ACTR3C: variants seen among roughly 807,000 people sequenced by gnomAD.
The protein encoded by ACTR3C is actin related protein 3C.
ACTR3C carries 18 observed loss-of-function variants against 26.3 expected under a neutral mutation model. The observed-to-expected ratio is 0.68, with a 90% CI of 0.47 to 1.01. ACTR3C has a LOEUF of 1.01. ACTR3C is among the 50% of genes least tolerant of loss of function. ACTR3C has a pLI of 0.00. For synonymous variants in ACTR3C, 55 were observed against 94.5 expected, an observed-to-expected ratio of 0.58 and a Z score of 2.42; for missense variants, 184 against 250.7, an observed-to-expected ratio of 0.73 and a Z score of 1.80.
chr7:150,180,662 G>A, the ACTR3C span, among the ~76,000 whole-genome samples: 145 of 148,804 alleles, frequency 9.7e-4, 1 homozygote, highest in Middle Eastern at 6.9e-3. Flanking sequence ...ACAGGCGCGC[G>A]CCACCACGCC....
At chr7:150,124,782 G>T in the ACTR3C span, among the ~76,000 whole-genome samples, 1 of 151,746 alleles carries the variant, frequency 6.6e-6, no homozygotes, top group East Asian at 1.9e-4. Flanking sequence ...AACAGTAACA[G>T]TAGCAACAAG....
At chr7:150,229,196 A>C in the ACTR3C span, among the ~76,000 whole-genome samples, 2 of 151,626 alleles carry the variant, frequency 1.3e-5, no homozygotes, top group Admixed American at 1.3e-4. Flanking sequence ...GTTTTATTGC[A>C]CAAGCTAGAA....
the ACTR3C span, among the ~76,000 whole-genome samples, chr7:150,227,163 T>C: frequency 3.3e-5 from 5 of 151,644 alleles, no homozygotes; most frequent in Non-Finnish European, 7.4e-5. Flanking sequence ...TCTATTCTTT[T>C]AGTGATTTTG....
the ACTR3C span, among the ~76,000 whole-genome samples, chr7:150,193,421 T>G: frequency 6.7e-6 from 1 of 148,872 alleles, no homozygotes; most frequent in East Asian, 1.9e-4. Context: ...TTTTTTTTTT[T>G]GTCTTTGTTG....
Position 150,289,636 on chromosome 7 carries a change from G to A in ACTR3C, c.154-43C>T, listed in dbSNP as rs148333985. The A allele has an allele frequency of 3.3e-3, 5,245 of 1,568,082 alleles. 158 individuals carry two copies. In the African/African-American group the frequency reaches 0.062, roughly 19 times the overall value. Reference sequence around the variant, plus strand: ...GCAGAACAGCTGTGTTAGTGATTTCGTGGTGGAGAGCAGCCTGGACTCACG... The same window carrying A: ...GCAGAACAGCTGTGTTAGTGATTTCATGGTGGAGAGCAGCCTGGACTCACG... On this transcript the variant is annotated intron_variant, in intron 3 of 7. Coordinates refer to ENST00000683684, the MANE Select transcript of ACTR3C (RefSeq NM_001164458.2).
the ACTR3C span, among the ~76,000 whole-genome samples, chr7:150,231,657 C>G: frequency 2.1e-3 from 315 of 151,468 alleles, no homozygotes; most frequent in Non-Finnish European, 3.4e-3. Context: ...AAGACAATCT[C>G]CAAATATTTG....
chr7:150,169,819 C>T, the ACTR3C span, among the ~76,000 whole-genome samples: 1 of 150,792 alleles, frequency 6.6e-6, no homozygotes, highest in East Asian at 1.9e-4. Flanking sequence ...GAGCTTAAGG[C>T]TTAATTAATA....
chr7:150,315,215 G>A (rs1796746802), intron 1 of ACTR3C, among the ~76,000 whole-genome samples: 1 of 151,360 alleles, frequency 6.6e-6, no homozygotes, highest in Non-Finnish European at 1.5e-5. Context: ...AAAAAGCAAT[G>A]ACTATAAAAG....
chr7:150,193,965 A>C, the ACTR3C span, among the ~76,000 whole-genome samples: 1 of 148,200 alleles, frequency 6.7e-6, no homozygotes, highest in Admixed American at 6.7e-5. Flanking sequence ...ATATATATAT[A>C]TATATAAAAT....
intron 6 of ACTR3C, among the ~76,000 whole-genome samples, chr7:150,267,638 G>A (rs182718869): frequency 6.6e-6 from 1 of 152,284 alleles, no homozygotes; most frequent in East Asian, 1.9e-4. Flanking sequence ...GTCTCTTACT[G>A]TGCCTAATTT....
At chr7:150,253,915 T>C (rs189172410) in intron 6 of ACTR3C, among the ~76,000 whole-genome samples, 2 of 150,442 alleles carry the variant, frequency 1.3e-5, no homozygotes, top group East Asian at 3.9e-4. Context: ...TTCGTGTTTT[T>C]TTTTTTCCCC....
At chr7:149,989,233 T>C in the ACTR3C span, among the ~76,000 whole-genome samples, 1 of 152,236 alleles carries the variant, frequency 6.6e-6, no homozygotes. Context: ...CATATACACA[T>C]ATGGAATGCT....
the ACTR3C span, among the ~76,000 whole-genome samples, chr7:150,198,482 G>A: frequency 2.9e-5 from 4 of 136,816 alleles, no homozygotes; most frequent in African/African-American, 9.0e-5. Context: ...TGTGGGGAGC[G>A]CCTCTGCCCC....
chr7:149,937,785 T>C, the ACTR3C span, among the ~76,000 whole-genome samples: 1 of 152,130 alleles, frequency 6.6e-6, no homozygotes, highest in African/African-American at 2.4e-5. Flanking sequence ...CAAGTGAATA[T>C]GCAGGAAGGT....
the ACTR3C span, among the ~76,000 whole-genome samples, chr7:150,078,633 A>C: frequency 6.6e-6 from 1 of 151,742 alleles, no homozygotes; most frequent in Admixed American, 6.6e-5. Context: ...CTTAGATCTG[A>C]GTTGGCCTTA....
the ACTR3C span, chr7:150,040,649 C>A: frequency 1.4e-5 from 2 of 146,044 alleles, no homozygotes; most frequent in Non-Finnish European, 3.0e-5. Context: ...GTAAATCCCA[C>A]GCAAGGTACC....
At chr7:150,118,410 AAC>A in the ACTR3C span, among the ~76,000 whole-genome samples, 1 of 151,824 alleles carries the variant, frequency 6.6e-6, no homozygotes, top group South Asian at 2.1e-4. Flanking sequence ...GGAGCTGAAA[AAC>A]ACAGCACGAG....
chr7:149,928,482 G>A, the ACTR3C span, among the ~76,000 whole-genome samples: 1 of 148,664 alleles, frequency 6.7e-6, no homozygotes. Context: ...GCCTCCCAAA[G>A]TGCTGGGACT....
chr7:149,921,389 G>A, the ACTR3C span, among the ~76,000 whole-genome samples: 3 of 152,008 alleles, frequency 2.0e-5, no homozygotes, highest in African/African-American at 4.8e-5. Context: ...AGAACCACTG[G>A]TACTACCTCA....
Sources: allele counts gnomAD v4.1 joint callset (sites outside exome capture counted in the v4.1 genomes callset), GRCh38; gene constraint gnomAD v4.1.1; transcripts MANE v1.5; gene names NCBI Gene and HGNC (gene_info 2026-07-23, HGNC 2026-07-21).